Variants in PRR16 observed in about 807,000 individuals in gnomAD.
The protein encoded by PRR16 is proline rich 16.
Under a neutral mutation model 18.2 loss-of-function variants are expected in PRR16, and 6 were observed. That is an observed-to-expected ratio of 0.33 (90% CI 0.18 to 0.65). The LOEUF (loss-of-function observed/expected upper bound fraction) is 0.65. Among genes scored for constraint, PRR16 ranks in the 30% least tolerant of loss-of-function variants. The pLI is 0.74. For synonymous variants in PRR16, 151 were observed against 147.8 expected, an observed-to-expected ratio of 1.02 and a Z score of -0.16; for missense variants, 412 against 376.6, an observed-to-expected ratio of 1.09 and a Z score of -0.78.
At chr5:120,595,881 A>G (rs1753798809) in intron 1 of PRR16, among the ~76,000 whole-genome samples, 1 of 151,962 alleles carries the variant, frequency 6.6e-6, no homozygotes, top group South Asian at 2.1e-4. Context: ...ACTTGCATAT[A>G]CCTTTAGTAT....
intron 1 of PRR16, among the ~76,000 whole-genome samples, chr5:120,677,763 G>T (rs989597048): frequency 6.6e-6 from 1 of 151,890 alleles, no homozygotes; most frequent in Non-Finnish European, 1.5e-5. Context: ...TAAGGCAATT[G>T]AATTATATTT....
chr5:120,785,353 A>T, the PRR16 span, among the ~76,000 whole-genome samples: 2 of 152,264 alleles, frequency 1.3e-5, no homozygotes, highest in East Asian at 3.9e-4. Flanking sequence ...AGCAAAGAAC[A>T]TGACCAATTA....
At chr5:120,668,206 T>C (rs563401272) in intron 1 of PRR16, among the ~76,000 whole-genome samples, 8,673 of 151,014 alleles carry the variant, frequency 0.057, 683 homozygotes, top group African/African-American at 0.17. Context: ...TACCATTATG[T>C]AATGGCCTTC....
At chr5:120,636,094 A>C (rs1755218610) in intron 1 of PRR16, among the ~76,000 whole-genome samples, 1 of 152,156 alleles carries the variant, frequency 6.6e-6, no homozygotes, top group African/African-American at 2.4e-5. Context: ...TTCTACAAGG[A>C]AAACTATAAA....
intron 1 of PRR16, among the ~76,000 whole-genome samples, chr5:120,645,162 C>T (rs1755546598): frequency 6.6e-6 from 1 of 152,044 alleles, no homozygotes; most frequent in African/African-American, 2.4e-5. Flanking sequence ...CCTTTATTTA[C>T]TAAACCAGTA....
chr5:120,727,443 A>G, the PRR16 span, among the ~76,000 whole-genome samples: 2 of 152,084 alleles, frequency 1.3e-5, no homozygotes, highest in African/African-American at 4.8e-5. Context: ...TGTGAACCCA[A>G]TGTGTCTAAG....
In PRR16 at chr5:120,538,938, G is replaced by GAA. The variant is rs532905660; in HGVS notation, c.159+74298_159+74299dup. On this transcript the variant is annotated intron_variant, in intron 1 of 1. Coordinates refer to ENST00000407149, the MANE Select transcript of PRR16 (RefSeq NM_001300783.2). ...AGTTTGTTCCCTGGAGGAAGACTGT[G>GAA]AAAAAATGAGTGAAGTAAAATACAG... 4.4e-4 allele frequency among the ~76,000 whole-genome samples: 67 copies of GAA among 152,174 alleles called. 3 individuals carry two copies. The South Asian group carries it at 0.013, about 29-fold the overall frequency.
the PRR16 span, among the ~76,000 whole-genome samples, chr5:120,741,261 A>T: frequency 6.6e-6 from 1 of 151,926 alleles, no homozygotes; most frequent in African/African-American, 2.4e-5. Flanking sequence ...TTATTTTATT[A>T]TTGAGGCAGA....
the PRR16 span, among the ~76,000 whole-genome samples, chr5:120,722,864 T>C: frequency 6.6e-6 from 1 of 151,702 alleles, no homozygotes; most frequent in Non-Finnish European, 1.5e-5. Flanking sequence ...TCTCTGCAGA[T>C]CTGTAGATAT....
At chr5:120,653,604 T>G (rs1235556268) in intron 1 of PRR16, among the ~76,000 whole-genome samples, 1 of 152,070 alleles carries the variant, frequency 6.6e-6, no homozygotes, top group Non-Finnish European at 1.5e-5. Context: ...TCAAGAGCAC[T>G]GATTACCATT....
chr5:120,784,835 C>G, the PRR16 span, among the ~76,000 whole-genome samples: 1 of 152,166 alleles, frequency 6.6e-6, no homozygotes, highest in African/African-American at 2.4e-5. Context: ...ATTCTCTCTT[C>G]TCTTAGAATC....
At chr5:120,482,946 G>A (rs10061948) in intron 1 of PRR16, among the ~76,000 whole-genome samples, 2,315 of 152,234 alleles carry the variant, frequency 0.015, 68 homozygotes, top group African/African-American at 0.053. Flanking sequence ...TTAGTTTTAA[G>A]TTAGCTCCCT....
At chr5:120,664,280 C>G (rs191702417) in intron 1 of PRR16, among the ~76,000 whole-genome samples, 1 of 150,834 alleles carries the variant, frequency 6.6e-6, no homozygotes, top group Non-Finnish European at 1.5e-5. Context: ...GCCTGGGAGA[C>G]AGAGTGAAAC....
intron 1 of PRR16, 129 bp from the exon 2 acceptor site, chr5:120,685,825 G>C (rs1382021435): frequency 2.3e-6 from 2 of 881,976 alleles, no homozygotes; most frequent in Admixed American, 5.7e-5. Context: ...ACATCAAGCA[G>C]CAATGGAATG....
chr5:120,518,384 C>T (rs1025939017), intron 1 of PRR16, among the ~76,000 whole-genome samples: 3 of 151,726 alleles, frequency 2.0e-5, no homozygotes, highest in African/African-American at 7.3e-5. Context: ...ACTGTGGGGT[C>T]CTTGAGAGGG....
At chr5:120,664,942 T>A (rs897819033) in intron 1 of PRR16, among the ~76,000 whole-genome samples, 1 of 151,982 alleles carries the variant, frequency 6.6e-6, no homozygotes, top group Non-Finnish European at 1.5e-5. Context: ...TTTATAGCAG[T>A]GTGATTTATA....
At chr5:120,487,438 G>C (rs1310191078) in intron 1 of PRR16, among the ~76,000 whole-genome samples, 2 of 152,024 alleles carry the variant, frequency 1.3e-5, no homozygotes, top group Non-Finnish European at 2.9e-5. Flanking sequence ...TCATGGTTTG[G>C]CTCTCTGTTT....
At chr5:120,513,419 A>G (rs1324244420) in intron 1 of PRR16, among the ~76,000 whole-genome samples, 2 of 151,978 alleles carry the variant, frequency 1.3e-5, no homozygotes, top group Admixed American at 6.6e-5. Context: ...TATTTTTCCA[A>G]CTTTTTCTCA....
intron 1 of PRR16, among the ~76,000 whole-genome samples, chr5:120,678,116 A>G (rs984244991): frequency 1.3e-5 from 2 of 152,174 alleles, no homozygotes; most frequent in African/African-American, 4.8e-5. Flanking sequence ...TAGCCGTGTT[A>G]GCCAGGATGG....
Sources: allele counts gnomAD v4.1 joint callset (sites outside exome capture counted in the v4.1 genomes callset), GRCh38; gene constraint gnomAD v4.1.1; transcripts MANE v1.5; gene names NCBI Gene and HGNC (gene_info 2026-07-23, HGNC 2026-07-21).